The following ZMAT4 variants were observed in gnomAD, a reference collection of about 807,000 sequenced individuals.
The protein encoded by ZMAT4 is zinc finger matrin-type 4.
ZMAT4 carries 17 observed loss-of-function variants against 28.7 expected under a neutral mutation model. That is an observed-to-expected ratio of 0.59 (90% CI 0.41 to 0.89). The LOEUF (loss-of-function observed/expected upper bound fraction) is 0.89, where lower values mean the gene tolerates loss of function less well. ZMAT4 is among the 40% of genes least tolerant of loss of function. ZMAT4 has a pLI of 0.00. For missense variants in ZMAT4, 240 were observed against 283.8 expected (o/e 0.85, Z 1.11); for synonymous variants, 117 against 109.2 (o/e 1.07, Z -0.44).
At chr8:40,668,131 T>C (rs891370256) in intron 5 of ZMAT4, among the ~76,000 whole-genome samples, 9 of 152,096 alleles carry the variant, frequency 5.9e-5, no homozygotes, top group African/African-American at 1.7e-4. Context: ...GAGCAGCTTC[T>C]GCCAACAAAG....
At chr8:40,856,033 T>G (rs1456901184) in intron 1 of ZMAT4, among the ~76,000 whole-genome samples, 1 of 152,070 alleles carries the variant, frequency 6.6e-6, no homozygotes, top group African/African-American at 2.4e-5. Context: ...TAGTTATCCC[T>G]GCCACAAGAC....
chr8:40,742,175 G>A (rs1812036765), intron 3 of ZMAT4, among the ~76,000 whole-genome samples: 1 of 151,834 alleles, frequency 6.6e-6, no homozygotes, highest in South Asian at 2.1e-4. Flanking sequence ...GGGATCTCAG[G>A]AGGTAGAGGT....
intron 3 of ZMAT4, among the ~76,000 whole-genome samples, chr8:40,719,115 C>T (rs1461877795): frequency 6.6e-6 from 1 of 152,134 alleles, no homozygotes; most frequent in Non-Finnish European, 1.5e-5. Flanking sequence ...TCTTCTCTCT[C>T]TTTTGGTAAT....
rs201531983 is a variant in ZMAT4 at position 40,629,856 on chromosome 8, G to A, written c.577+44848C>T. ...AGTCTTTGCTATTGTGAGTAGTGCC[G>A]CTATAAACATACGTGTGCATGTGTC... On this transcript the variant is annotated intron_variant, in intron 5 of 6. Transcript: ENST00000297737. Among the ~76,000 whole-genome samples the A allele has an allele frequency of 4.6e-5, 7 of 152,138 alleles. No homozygotes were observed. The East Asian group carries it at 9.6e-4, about 21-fold the overall frequency.
chr8:40,532,211 T>C lies in ZMAT4; in HGVS notation c.*12A>G. ...CTAATGTTTTGTTCTTATGTCTTGA[T>C]TGATGCTTTCACTACTTATTCTTCA... On this transcript the variant is annotated 3_prime_UTR_variant, in exon 7 of 7. Coordinates refer to ENST00000297737, the MANE Select transcript of ZMAT4 (RefSeq NM_024645.3). 3.8e-6 allele frequency: 6 copies of C among 1,598,304 alleles called. No homozygotes were observed. Among genetic ancestry groups the C allele is most frequent in the Non-Finnish European group, 5.1e-6 (6 of 1,172,270 alleles).
chr8:40,635,213 A>G (rs566222986), intron 5 of ZMAT4, among the ~76,000 whole-genome samples: 272 of 152,326 alleles, frequency 1.8e-3, no homozygotes, highest in African/African-American at 6.3e-3. Flanking sequence ...TAGCCAAGGC[A>G]TCGAAATATA....
intron 5 of ZMAT4, among the ~76,000 whole-genome samples, chr8:40,627,631 A>T: frequency 6.6e-6 from 1 of 152,246 alleles, no homozygotes; most frequent in East Asian, 1.9e-4. Flanking sequence ...GAATACAATT[A>T]AAACATCTTA....
intron 2 of ZMAT4, among the ~76,000 whole-genome samples, chr8:40,801,371 T>TATATATATATATATATATATATATAC (rs1199428052): frequency 9.0e-5 from 13 of 144,824 alleles, no homozygotes; most frequent in African/African-American, 3.1e-4. Context: ...TATATATATA[T>TATATATATATATATATATATATATAC]ACATATATAT....
At chr8:40,876,760 G>C (rs963026388) in intron 1 of ZMAT4, among the ~76,000 whole-genome samples, 2 of 152,208 alleles carry the variant, frequency 1.3e-5, no homozygotes, top group African/African-American at 4.8e-5. Flanking sequence ...TAGGCTATTA[G>C]TAGTTAAGTT....
chr8:40,725,652 G>A (rs567139734), intron 3 of ZMAT4, among the ~76,000 whole-genome samples: 91 of 152,138 alleles, frequency 6.0e-4, no homozygotes, highest in South Asian at 3.3e-3. Flanking sequence ...CTCCTTTAAA[G>A]TCATGATTTC....
intron 5 of ZMAT4, among the ~76,000 whole-genome samples, chr8:40,611,924 A>G (rs1380607350): frequency 6.6e-6 from 1 of 152,240 alleles, no homozygotes. Context: ...TGGAAACTAC[A>G]GAACTCATTT....
chr8:40,721,794 T>C (rs1314503117), intron 3 of ZMAT4, among the ~76,000 whole-genome samples: 4 of 151,936 alleles, frequency 2.6e-5, no homozygotes, highest in Non-Finnish European at 5.9e-5. Flanking sequence ...GAAGTGTCTG[T>C]TCATGTCCTT....
intron 3 of ZMAT4, among the ~76,000 whole-genome samples, chr8:40,755,433 T>G (rs1812638518): frequency 1.3e-5 from 2 of 152,278 alleles, no homozygotes; most frequent in South Asian, 4.1e-4. Context: ...ATTTTCTATT[T>G]ATGAATATTA....
chr8:40,894,480 G>A (rs1818802208), intron 1 of ZMAT4, among the ~76,000 whole-genome samples: 1 of 152,110 alleles, frequency 6.6e-6, no homozygotes, highest in African/African-American at 2.4e-5. Context: ...AACCCTACAT[G>A]TAGGGTGAAT....
At chr8:40,619,460 C>T (rs1359956259) in intron 5 of ZMAT4, among the ~76,000 whole-genome samples, 1 of 152,166 alleles carries the variant, frequency 6.6e-6, no homozygotes, top group East Asian at 1.9e-4. Context: ...GGGATTCACA[C>T]TGGAATCAGA....
At chr8:40,637,391 C>T (rs1230132737) in intron 5 of ZMAT4, among the ~76,000 whole-genome samples, 1 of 152,136 alleles carries the variant, frequency 6.6e-6, no homozygotes, top group Non-Finnish European at 1.5e-5. Context: ...GGCTGACATC[C>T]CAGCAAATGT....
chr8:40,813,995 G>A lies in ZMAT4; in HGVS notation c.102+11580C>T, dbSNP rs200026704. The stretch of plus-strand genomic sequence containing the variant: ...GACAGCAAAGGTGATCCCAGAGGTC[G>A]GGGAGCAGGGGGCTGGGGACGGGGT... On this transcript the variant is annotated intron_variant, in intron 2 of 6. Transcript: ENST00000297737. Among the ~76,000 whole-genome samples, 25 of 152,306 alleles carry A rather than the reference G, an allele frequency of 1.6e-4. No individual in the cohort carries two copies. The East Asian group carries it at 1.7e-3, about 11-fold the overall frequency.
At chr8:40,793,213 G>A (rs1000983290) in intron 2 of ZMAT4, among the ~76,000 whole-genome samples, 2 of 152,230 alleles carry the variant, frequency 1.3e-5, no homozygotes, top group African/African-American at 4.8e-5. Flanking sequence ...GGGTACTTTC[G>A]CTCAATTTTT....
intron 3 of ZMAT4, among the ~76,000 whole-genome samples, chr8:40,729,230 C>T (rs780466292): frequency 2.0e-4 from 30 of 152,154 alleles, no homozygotes; most frequent in Non-Finnish European, 3.4e-4. Context: ...AGACACTTGT[C>T]AGCAACAATT....
Sources: gnomAD v4.1 joint callset for allele counts (sites outside exome capture counted in the v4.1 genomes callset) on GRCh38, gnomAD v4.1.1 for gene constraint, MANE v1.5 for transcripts, NCBI Gene and HGNC (gene_info 2026-07-23, HGNC 2026-07-21) for gene names.